SYNJ1: variants seen among roughly 807,000 people sequenced by gnomAD.
The protein encoded by SYNJ1 is polyphosphatidylinositol phosphatase SYNJ1.
In SYNJ1, 78 loss-of-function variants were observed where a neutral mutation model predicts 168.2. That is an observed-to-expected ratio of 0.46 (90% CI 0.39 to 0.56). The LOEUF is 0.56. Among genes scored for constraint, SYNJ1 ranks in the 20% least tolerant of loss-of-function variants. SYNJ1 has a pLI of 0.00. For missense variants in SYNJ1, 1,303 were observed against 1,597.6 expected (o/e 0.82, Z 3.14); for synonymous variants, 539 against 548.6 (o/e 0.98, Z 0.24).
At chr21:32,709,111 T>A (rs1052090096) in intron 2 of SYNJ1, among the ~76,000 whole-genome samples, 6 of 152,228 alleles carry the variant, frequency 3.9e-5, no homozygotes, top group Non-Finnish European at 8.8e-5. Flanking sequence ...AAACCAATCT[T>A]ACTTATGTAT....
intron 2 of SYNJ1, among the ~76,000 whole-genome samples, chr21:32,707,437 C>T (rs1404867558): frequency 6.6e-6 from 1 of 151,880 alleles, no homozygotes; most frequent in African/African-American, 2.4e-5. Flanking sequence ...ACTACAGGCA[C>T]TAATACTACA....
chr21:32,697,528 G>A (rs2042252676), intron 4 of SYNJ1, among the ~76,000 whole-genome samples: 1 of 151,832 alleles, frequency 6.6e-6, no homozygotes, highest in Non-Finnish European at 1.5e-5. Context: ...GCCAAGTACG[G>A]TGGCTCATGC....
chr21:32,707,517 A>G (rs1273299917), intron 2 of SYNJ1, among the ~76,000 whole-genome samples: 1 of 151,768 alleles, frequency 6.6e-6, no homozygotes, highest in Admixed American at 6.6e-5. Context: ...TATTTTTTGT[A>G]GAGACAGGGT....
In SYNJ1 at chr21:32,629,959, CAG is replaced by C. The variant is rs1271524000; in HGVS notation, c.*1844_*1845del. The stretch of plus-strand genomic sequence containing the variant: ...GGGTATATTCCCAATTCAAAGCACT[CAG>C]GGGACAGCTGCTTTCCCTGCTAAAA... On this transcript the variant is annotated 3_prime_UTR_variant, in exon 33 of 33. Transcript: ENST00000674351. 1 of 152,354 alleles carries C rather than the reference CAG, an allele frequency of 6.6e-6. No homozygotes were observed. Among genetic ancestry groups the C allele is most frequent in the East Asian group, 1.9e-4 (1 of 5,200 alleles). The allele number at this position is 152,354 out of a possible 1,614,324, so 9.4% of individuals were successfully genotyped here.
intron 29 of SYNJ1, 89 bp downstream of exon 29, chr21:32,641,807 C>A: frequency 1.1e-6 from 1 of 918,108 alleles, no homozygotes. Context: ...CTTGAAGGGT[C>A]ACATGATTTC....
intron 7 of SYNJ1, 37 bp from the exon 8 acceptor site, chr21:32,687,111 T>C: frequency 9.0e-7 from 1 of 1,107,602 alleles, no homozygotes; most frequent in Non-Finnish European, 1.3e-6. Context: ...ACATGTCAAA[T>C]AAGAAGCCCA....
intron 17 of SYNJ1, among the ~76,000 whole-genome samples, chr21:32,665,547 C>T (rs564417230): frequency 4.6e-5 from 7 of 152,308 alleles, no homozygotes; most frequent in African/African-American, 1.7e-4. Context: ...CAACCTTTTG[C>T]GTCTTATCTA....
At chr21:32,634,783 T>G (rs2039488162) in intron 32 of SYNJ1, 78 bp downstream of exon 32, 6 of 1,458,516 alleles carry the variant, frequency 4.1e-6, no homozygotes. Flanking sequence ...AAACTTTAGA[T>G]GTATGAAGCA....
At chr21:32,635,722 C>T (rs1393329506) in intron 31 of SYNJ1, among the ~76,000 whole-genome samples, 1 of 152,024 alleles carries the variant, frequency 6.6e-6, no homozygotes, top group Non-Finnish European at 1.5e-5. Flanking sequence ...TAGTACTCAT[C>T]CAGCTTGTTT....
In SYNJ1 at chr21:32,720,859, A is replaced by G. The variant is rs1459004290; in HGVS notation, c.124+5913T>C. Among the ~76,000 whole-genome samples, 6 of 152,164 alleles carry G rather than the reference A, an allele frequency of 3.9e-5. No individual in the cohort carries two copies. In the South Asian group the frequency reaches 6.2e-4, roughly 16 times the overall value. On this transcript the variant is annotated intron_variant, in intron 2 of 32. Transcript: ENST00000674351. ...TGACCTTTTCTTTACTCCATCTTCT[A>G]TTTAGGATATAATTATGAAATGAAT...
At chr21:32,653,189 CT>C in intron 22 of SYNJ1, 98 bp downstream of exon 22, 1 of 927,998 alleles carries the variant, frequency 1.1e-6, no homozygotes. Flanking sequence ...GTCTTTTCCC[CT>C]CCCATTTAGA....
Position 32,631,753 on chromosome 21 carries a change from T to C in SYNJ1, c.*52A>G. ...AATGACAGATCTTCAAATGGGTCAA[T>C]CTTTAATGGTGATTCTCTTTTGCCA... On this transcript the variant is annotated 3_prime_UTR_variant, in exon 33 of 33. Coordinates refer to ENST00000674351, the MANE Select transcript of SYNJ1 (RefSeq NM_203446.3). The C allele has an allele frequency of 3.7e-6, 6 of 1,613,850 alleles. No individual in the cohort carries two copies. Among genetic ancestry groups the C allele is most frequent in the Non-Finnish European group, 5.1e-6 (6 of 1,179,864 alleles).
Position 32,704,309 on chromosome 21 carries a change from A to C in SYNJ1, c.125-2262T>G, listed in dbSNP as rs147675706. ...ACACACACACCCACACACACACCTT[A>C]AAGTGCATACTCTTAGAGCCAAAGG... is the stretch of plus-strand genomic sequence containing the variant. On this transcript the variant is annotated intron_variant, in intron 2 of 32. Coordinates refer to ENST00000674351, the MANE Select transcript of SYNJ1 (RefSeq NM_203446.3). 2.6e-5 allele frequency among the ~76,000 whole-genome samples: 4 copies of C among 152,288 alleles called. No individual in the cohort carries two copies. The East Asian group carries it at 7.7e-4, about 29-fold the overall frequency.
At chr21:32,686,085 T>C (rs996570574) in intron 8 of SYNJ1, among the ~76,000 whole-genome samples, 168 bp from the exon 9 acceptor site, 10 of 152,214 alleles carry the variant, frequency 6.6e-5, no homozygotes, top group African/African-American at 2.4e-4. Context: ...ACTTAAATAA[T>C]ATTCTCATCT....
intron 2 of SYNJ1, among the ~76,000 whole-genome samples, chr21:32,716,227 C>A (rs1176940873): frequency 1.3e-5 from 2 of 152,206 alleles, no homozygotes; most frequent in Non-Finnish European, 2.9e-5. Flanking sequence ...TTTATTGCTT[C>A]TTTCACTTTG....
rs566492060 is a variant in SYNJ1, at chr21:32,634,622, A to C, written c.*3+239T>G. 2.0e-5 allele frequency among the ~76,000 whole-genome samples: 3 copies of C among 152,288 alleles called. No homozygotes were observed. The East Asian group carries it at 5.8e-4, about 29-fold the overall frequency. ...GAAGTTACACTTTTTAGTTTTGTTA[A>C]TTTTCATAAAAAAATGAAGCAAAAA... On this transcript the variant is annotated intron_variant, in intron 32 of 32. Transcript: ENST00000674351.
At chr21:32,712,961 C>A (rs2042881099) in intron 2 of SYNJ1, among the ~76,000 whole-genome samples, 1 of 152,018 alleles carries the variant, frequency 6.6e-6, no homozygotes, top group Non-Finnish European at 1.5e-5. Context: ...CATATATGTA[C>A]CAAAAAACAT....
chr21:32,664,814 C>T (rs1006998514), intron 18 of SYNJ1, 99 bp downstream of exon 18: 24 of 1,118,076 alleles, frequency 2.1e-5, no homozygotes, highest in Non-Finnish European at 2.8e-5. Context: ...TATTTAAGTA[C>T]AAAAAGACCC....
chr21:32,660,712 GAAGGT>G (rs1359383442), intron 18 of SYNJ1, among the ~76,000 whole-genome samples: 7 of 152,250 alleles, frequency 4.6e-5, no homozygotes, highest in African/African-American at 1.7e-4. Context: ...AGAACTCAGT[GAAGGT>G]AAGACTGTAA....
Sources: gnomAD v4.1 joint callset for allele counts (sites outside exome capture counted in the v4.1 genomes callset) on GRCh38, gnomAD v4.1.1 for gene constraint, MANE v1.5 for transcripts, NCBI Gene and HGNC (gene_info 2026-07-23, HGNC 2026-07-21) for gene names.